The following C2CD3 variants were observed in gnomAD, a reference collection of about 807,000 sequenced individuals.
C2CD3 encodes the protein C2 domain-containing protein 3.
A neutral mutation model predicts 234.0 loss-of-function variants in C2CD3; 148 were observed. The ratio of observed to expected loss-of-function variants is 0.63; its 90% CI spans 0.55 to 0.72. The LOEUF (loss-of-function observed/expected upper bound fraction) is 0.72. C2CD3 is among the 30% of genes least tolerant of loss of function. The probability of loss-of-function intolerance (pLI) is 0.00; values close to 1 mark genes in which losing one functional copy is unlikely to be tolerated. For synonymous variants in C2CD3, 1,000 were observed against 1,035.4 expected (o/e 0.97, Z 0.66); for missense variants, 2,577 against 2,811.5 (o/e 0.92, Z 1.89).
chr11:74,096,820 A>G (rs1296466442), intron 16 of C2CD3, among the ~76,000 whole-genome samples: 1 of 152,204 alleles, frequency 6.6e-6, no homozygotes, highest in Non-Finnish European at 1.5e-5. Context: ...AACTTGAAAA[A>G]TACGATTATC....
intron 5 of C2CD3, among the ~76,000 whole-genome samples, chr11:74,135,835 G>C (rs1222477983): frequency 6.6e-6 from 1 of 152,144 alleles, no homozygotes; most frequent in Non-Finnish European, 1.5e-5. Context: ...AGTGCAACTG[G>C]AGGCCGTTAT....
chr11:74,093,722 C>G, intron 18 of C2CD3, 94 bp downstream of exon 18: 1 of 952,412 alleles, frequency 1.0e-6, no homozygotes, highest in Non-Finnish European at 1.5e-6. Context: ...GCTTAGCTTC[C>G]TTACAATAAT....
At chr11:74,024,200 C>T (rs1255767457) in intron 32 of C2CD3, among the ~76,000 whole-genome samples, 1 of 152,104 alleles carries the variant, frequency 6.6e-6, no homozygotes, top group Non-Finnish European at 1.5e-5. Context: ...ACAATCAGAA[C>T]AATGCTTCTT....
At chr11:74,134,690 G>GA (rs1019201061) in intron 5 of C2CD3, among the ~76,000 whole-genome samples, 1 of 151,704 alleles carries the variant, frequency 6.6e-6, no homozygotes, top group African/African-American at 2.4e-5. Flanking sequence ...GTTAGGCCAA[G>GA]AAAAAAAACA....
intron 3 of C2CD3, among the ~76,000 whole-genome samples, chr11:74,155,695 C>A (rs941321151): frequency 1.6e-4 from 25 of 152,084 alleles, no homozygotes; most frequent in Non-Finnish European, 3.1e-4. Context: ...GGCAAATACA[C>A]AGAGACAGAA....
chr11:74,089,733 T>TC (rs1565279806), intron 20 of C2CD3, among the ~76,000 whole-genome samples: 1 of 152,178 alleles, frequency 6.6e-6, no homozygotes, highest in Non-Finnish European at 1.5e-5. Flanking sequence ...TCAGGCAGTA[T>TC]CTCTGACTAG....
At chr11:74,056,148 C>A (rs1400846506) in intron 25 of C2CD3, among the ~76,000 whole-genome samples, 1 of 152,188 alleles carries the variant, frequency 6.6e-6, no homozygotes, top group East Asian at 1.9e-4. Flanking sequence ...ATCACTGAAC[C>A]TGTGACCAAC....
intron 31 of C2CD3, among the ~76,000 whole-genome samples, chr11:74,031,797 A>T (rs1179341257): frequency 6.6e-6 from 1 of 152,218 alleles, no homozygotes; most frequent in African/African-American, 2.4e-5. Context: ...CCATATTCTG[A>T]GCACAATTAA....
rs1270985029 is a variant in C2CD3, at chr11:74,078,293, G to A, written c.4425C>T (p.Val1475=). The change falls in exon 23 of 33, where the codon GTC becomes GTT. Residue 1475 remains valine, a synonymous_variant. Coordinates refer to ENST00000334126, the MANE Select transcript of C2CD3 (RefSeq NM_001286577.2). ...ACCAAAGCAGTGATGGGCCCCTGGT[G>A]ACTTCTGCTCTTTTGGATGCCTTGA... ...VTFKASKRAE[V]TRGPSLLWYF... The A allele has an allele frequency of 1.8e-5, 29 of 1,614,044 alleles. No homozygotes were observed. The highest frequency in any genetic ancestry group is 6.7e-5 in the Admixed American group (4 of 60,004).
At chr11:74,039,388 T>C (rs76723830) in intron 29 of C2CD3, among the ~76,000 whole-genome samples, 3,340 of 152,306 alleles carry the variant, frequency 0.022, 70 homozygotes, top group African/African-American at 0.047. Context: ...TCTCACCTTG[T>C]TTCGCGCCCA....
intron 11 of C2CD3, among the ~76,000 whole-genome samples, chr11:74,109,827 C>T (rs1956675965): frequency 1.3e-5 from 2 of 152,026 alleles, no homozygotes; most frequent in Non-Finnish European, 2.9e-5. Flanking sequence ...AATCCCAGCA[C>T]TTTGGGAGGC....
intron 24 of C2CD3, among the ~76,000 whole-genome samples, chr11:74,063,575 A>G (rs182954516): frequency 6.6e-6 from 1 of 152,346 alleles, no homozygotes; most frequent in African/African-American, 2.4e-5. Flanking sequence ...ACAAAATTCA[A>G]CAGCCCTTCA....
chr11:74,089,501 T>A (rs1031133600), intron 20 of C2CD3, among the ~76,000 whole-genome samples: 1 of 152,336 alleles, frequency 6.6e-6, no homozygotes, highest in African/African-American at 2.4e-5. Context: ...CTCTTCAGCA[T>A]CAGATCTCAC....
intron 2 of C2CD3, chr11:74,164,272 G>A (rs968890353): frequency 2.1e-6 from 2 of 960,366 alleles, no homozygotes; most frequent in Non-Finnish European, 2.5e-6. Flanking sequence ...TAAAAATCAC[G>A]TAGTGTAGCC....
At chr11:74,088,460 A>T (rs1203188507) in intron 20 of C2CD3, among the ~76,000 whole-genome samples, 1 of 152,184 alleles carries the variant, frequency 6.6e-6, no homozygotes, top group Non-Finnish European at 1.5e-5. Flanking sequence ...ACCTACCAGA[A>T]GAGTGTTGTG....
intron 3 of C2CD3, among the ~76,000 whole-genome samples, chr11:74,156,785 C>A (rs753381470): frequency 3.4e-4 from 51 of 152,194 alleles, no homozygotes; most frequent in Non-Finnish European, 5.9e-4. Context: ...GCCTGGCCAA[C>A]AGGGTGAAAA....
intron 29 of C2CD3, among the ~76,000 whole-genome samples, chr11:74,039,597 GCGAACTA>G (rs2135418930): frequency 6.6e-6 from 1 of 152,222 alleles, no homozygotes; most frequent in Non-Finnish European, 1.5e-5. Flanking sequence ...ACTAAATTTT[GCGAACTA>G]CTGTCCTAGG....
chr11:74,143,074 C>G (rs1282905903), intron 3 of C2CD3, among the ~76,000 whole-genome samples: 2 of 152,100 alleles, frequency 1.3e-5, no homozygotes, highest in Non-Finnish European at 2.9e-5. Context: ...GACCATCATT[C>G]TATCACTTAA....
chr11:74,061,858 G>A (rs1197424561), intron 24 of C2CD3, among the ~76,000 whole-genome samples: 1 of 152,174 alleles, frequency 6.6e-6, no homozygotes, highest in Non-Finnish European at 1.5e-5. Flanking sequence ...ACCCTTCAGT[G>A]TGCTGTATTC....
Sources: gnomAD v4.1 joint callset for allele counts (sites outside exome capture counted in the v4.1 genomes callset) on GRCh38, gnomAD v4.1.1 for gene constraint, MANE v1.5 for transcripts, NCBI Gene and HGNC (gene_info 2026-07-23, HGNC 2026-07-21) for gene names.